The following TNS2 variants were observed in gnomAD, a reference collection of about 807,000 sequenced individuals.
The protein encoded by TNS2 is tensin 2.
A neutral mutation model predicts 155.7 loss-of-function variants in TNS2; 77 were observed. The observed-to-expected ratio is 0.49, with a 90% CI of 0.41 to 0.60. TNS2 has a LOEUF of 0.60. Ranked by LOEUF, TNS2 falls within the 20% of genes least tolerant of loss-of-function variation. The pLI is 0.00. For synonymous variants in TNS2, 726 were observed against 763.9 expected, an observed-to-expected ratio of 0.95 and a Z score of 0.82; for missense variants, 1,703 against 1,868.8, an observed-to-expected ratio of 0.91 and a Z score of 1.64.
At chr12:53,049,973 C>G, upstream of TNS2, 5 of 1,132,810 alleles carry the variant, frequency 4.4e-6, no homozygotes, top group Non-Finnish European at 4.8e-6. Context: ...TCCCCCACAT[C>G]CTCCCCCCTC....
chr12:53,053,862 G>A, intron 5 of TNS2, 50 bp downstream of exon 5: 1 of 1,613,884 alleles, frequency 6.2e-7, no homozygotes. Flanking sequence ...TTGGGAGTAA[G>A]GATCTAGATT....
intron 7 of TNS2, 100 bp downstream of exon 7, chr12:53,054,541 G>A (rs1216261053): frequency 7.3e-7 from 1 of 1,364,272 alleles, no homozygotes; most frequent in Non-Finnish European, 9.6e-7. Flanking sequence ...GAGGCCGCCA[G>A]GGGGCGGGAC....
At chr12:53,062,807 CCATGAGGG>C in intron 25 of TNS2, 110 bp downstream of exon 25, 1 of 1,323,810 alleles carries the variant, frequency 7.6e-7, no homozygotes, top group Non-Finnish European at 1.1e-6. Context: ...CCTGGCCAAC[CCATGAGGG>C]CAGGGGAGCC....
rs771805733 is a variant in TNS2, at chr12:53,061,284, G to T, written c.3358+20G>T. The T allele has an allele frequency of 6.3e-6, 10 of 1,596,904 alleles. No individual in the cohort carries two copies. Among genetic ancestry groups the T allele is most frequent in the Non-Finnish European group, 7.7e-6 (9 of 1,171,170 alleles). On this transcript the variant is annotated intron_variant, in intron 20 of 28. Transcript: ENST00000314250. The stretch of plus-strand genomic sequence containing the variant: ...CCCCAGGTATAAAGGCCTTGAGGGG[G>T]TTGGTGCCACCTTGAGAGAACCCTT...
Position 53,050,382 on chromosome 12 carries a change from G to A in TNS2, c.75+122G>A. ...TTCAGCTTCCTCAGCCTTCTTCCCT[G>A]GCCCAGCATCCCCTCCGGAGTGGCC... On this transcript the variant is annotated intron_variant, in intron 1 of 28. Transcript: ENST00000314250. The surrounding 1 kb of genome is among the most constrained non-coding windows in gnomAD (Gnocchi z 4.7). The A allele has an allele frequency of 8.4e-7, 1 of 1,187,390 alleles. No individual in the cohort carries two copies. The highest frequency in any genetic ancestry group is 1.2e-6 in the Non-Finnish European group (1 of 857,392). 73.6% of individuals were successfully genotyped at this position (1,187,390 alleles called of 1,614,324 possible).
At chr12:53,053,241 A>G (rs1335671161) in intron 3 of TNS2, 170 bp from the exon 4 acceptor site, 9 of 719,976 alleles carry the variant, frequency 1.3e-5, no homozygotes, top group Non-Finnish European at 2.2e-5. Flanking sequence ...GGGGTGGGGG[A>G]CCAAGAGGCC....
At position 53,055,806 on chromosome 12, in the gene TNS2, T is replaced by A; in HGVS notation, c.722T>A (p.Ile241Asn). ...GGAAACAAGGGCAAGCTTGGGGTCA[T>A]CGTTTCTGCCTACATGCACTACAGC... ...CKGNKGKLGV[I>N]VSAYMHYSKI... Residue 241 changes from isoleucine to asparagine, a missense_variant, in exon 10 of 29, where the codon ATC (isoleucine) becomes AAC (asparagine). Coordinates refer to ENST00000314250, the MANE Select transcript of TNS2 (RefSeq NM_170754.4). The A allele has an allele frequency of 6.2e-7, 1 of 1,614,130 alleles. No homozygotes were observed.
intron 7 of TNS2, among the ~76,000 whole-genome samples, chr12:53,054,807 G>A (rs1275128542): frequency 6.7e-6 from 1 of 149,502 alleles, no homozygotes; most frequent in African/African-American, 2.5e-5. Context: ...CAGTAGCTAG[G>A]ATTACAGGCG....
chr12:53,055,932 C>A, intron 10 of TNS2, 87 bp downstream of exon 10: 2 of 1,413,848 alleles, frequency 1.4e-6, no homozygotes, highest in Non-Finnish European at 1.9e-6. Context: ...CTGGAGCCCA[C>A]CTCTTCGTTG....
chr12:53,062,402 C>T lies in TNS2; in HGVS notation c.3694C>T (p.His1232Tyr). The change falls in exon 24 of 29, where the codon CAC (histidine) becomes TAC (tyrosine). Residue 1232 changes from histidine to tyrosine, a missense_variant. Transcript: ENST00000314250. Reference sequence around the variant, plus strand: ...CAGCCTGTCCGCCTTGGTCTCCCAGCACTCCATCTCCCCCATCTCCCTGCC... The same window carrying T: ...CAGCCTGTCCGCCTTGGTCTCCCAGTACTCCATCTCCCCCATCTCCCTGCC... ...FGSLSALVSQHSISPISLPCC... is the reference protein window; with the variant it reads ...FGSLSALVSQYSISPISLPCC... The T allele has an allele frequency of 6.2e-7, 1 of 1,614,066 alleles. No homozygotes were observed. The highest frequency in any genetic ancestry group is 1.7e-4 in the Middle Eastern group (1 of 6,056).
Position 53,058,734 on chromosome 12 carries a change from C to T in TNS2, c.1312C>T (p.Pro438Ser), listed in dbSNP as rs1565607870. 6.2e-7 allele frequency: 1 copy of T among 1,614,040 alleles called. No individual in the cohort carries two copies. The highest frequency in any genetic ancestry group is 1.3e-5 in the African/African-American group (1 of 75,012). The change falls in exon 17 of 29, where the codon CCC becomes TCC. Residue 438 changes from proline to serine, a missense_variant. By Grantham distance (74) the Pro-to-Ser change is moderately conservative. Transcript: ENST00000314250. The part of the protein sequence containing the change: ...KIKGSTPRND[P>S]SVSVDYNTTE... Reference sequence around the variant, plus strand: ...CACAGGCAGCACTCCACGGAACGACCCCTCGGTCTCTGTCGACTACAACAC... The same window carrying T: ...CACAGGCAGCACTCCACGGAACGACTCCTCGGTCTCTGTCGACTACAACAC...
intron 8 of TNS2, among the ~76,000 whole-genome samples, 164 bp from the exon 9 acceptor site, chr12:53,055,404 G>A (rs1227812642): frequency 6.6e-6 from 1 of 152,164 alleles, no homozygotes; most frequent in Non-Finnish European, 1.5e-5. Flanking sequence ...GATGCAGCAG[G>A]TATCAGCCCA....
In TNS2 at chr12:53,063,924, C is replaced by T. The variant is rs766531673; in HGVS notation, c.*42C>T. ...CAGAGCCCACATCAACACTGCCCCC[C>T]TCCCAGCACCCCACAGCCCTCACAT... On this transcript the variant is annotated 3_prime_UTR_variant, in exon 29 of 29. Coordinates refer to ENST00000314250, the MANE Select transcript of TNS2 (RefSeq NM_170754.4). This position sits in a 1 kb window ranked among gnomAD's most constrained non-coding sequence, Gnocchi z 5.6. 1 of 1,602,424 alleles carries T rather than the reference C, an allele frequency of 6.2e-7. No individual in the cohort carries two copies. Among genetic ancestry groups the T allele is most frequent in the Non-Finnish European group, 8.5e-7 (1 of 1,172,738 alleles).
In TNS2 at chr12:53,058,044, G is replaced by A; in HGVS notation, c.1037G>A (p.Gly346Asp). 1.9e-6 allele frequency: 3 copies of A among 1,614,072 alleles called. No homozygotes were observed. Among genetic ancestry groups the A allele is most frequent in the Middle Eastern group, 1.6e-4 (1 of 6,062 alleles). The change falls in exon 14 of 29, where the codon GGT (glycine) becomes GAT (aspartate). Residue 346 changes from glycine (G) to aspartate (D), a missense_variant. By Grantham distance (94) the Gly-to-Asp change is moderately conservative (BLOSUM62 -1). Transcript: ENST00000314250. ...CCCCACAGTCACATTGCAGGCCCTG[G>A]TCCCCAGCAGCTTTGCATCAGCCTG... The part of the protein sequence containing the change: ...TSGVYHIAGP[G>D]PQQLCISLEP...
rs536412263 is a variant in TNS2 at position 53,063,191 on chromosome 12, C to T, written c.3926C>T (p.Pro1309Leu). ...GCAGCTCTGAGCTGTAGCCCCCGCC[C>T]GACACCAGCTGTTGTCCACTTCAAG... Reference protein sequence around the residue: ...SSAALSCSPRPTPAVVHFKVS... With the variant: ...SSAALSCSPRLTPAVVHFKVS... Residue 1309 changes from proline (P) to leucine (L), a missense_variant, in exon 26 of 29, where the codon CCG becomes CTG. Physicochemically the swap from Pro to Leu is moderately conservative, Grantham distance 98. Coordinates refer to ENST00000314250, the MANE Select transcript of TNS2 (RefSeq NM_170754.4). This position sits in a 1 kb window ranked among gnomAD's most constrained non-coding sequence, Gnocchi z 5.6. 23 of 1,612,580 alleles carry T rather than the reference C, an allele frequency of 1.4e-5. No individual in the cohort carries two copies. The highest frequency in any genetic ancestry group is 6.6e-5 in the South Asian group (6 of 90,902).
upstream of TNS2, among the ~76,000 whole-genome samples, chr12:53,047,938 T>C (rs1471771821): frequency 6.6e-6 from 1 of 152,162 alleles, no homozygotes; most frequent in Non-Finnish European, 1.5e-5. Flanking sequence ...CCAGCCTCCC[T>C]TCCAACCACA....
Position 53,063,946 on chromosome 12 carries a change from A to C in TNS2, c.*64A>C. ...CCCCTCCCAGCACCCCACAGCCCTCACATCCCCTGGCCTGGACCCAGGAGA... is the reference window on the plus strand; with the variant it reads ...CCCCTCCCAGCACCCCACAGCCCTCCCATCCCCTGGCCTGGACCCAGGAGA... On this transcript the variant is annotated 3_prime_UTR_variant, in exon 29 of 29. Coordinates refer to ENST00000314250, the MANE Select transcript of TNS2 (RefSeq NM_170754.4). The surrounding 1 kb of genome is among the most constrained non-coding windows in gnomAD (Gnocchi z 5.6). 8.9e-6 allele frequency: 14 copies of C among 1,578,582 alleles called. No individual in the cohort carries two copies. Among genetic ancestry groups the C allele is most frequent in the Non-Finnish European group, 1.1e-5 (13 of 1,157,950 alleles).
intron 24 of TNS2, 43 bp from the exon 25 acceptor site, chr12:53,062,577 A>T: frequency 6.2e-7 from 1 of 1,611,308 alleles, no homozygotes; most frequent in Non-Finnish European, 8.5e-7. Context: ...CCTGGGGAAC[A>T]CTCTGCCTTC....
At chr12:53,053,149 T>C in intron 3 of TNS2, 1 of 491,902 alleles carries the variant, frequency 2.0e-6, no homozygotes, top group South Asian at 2.0e-5. Flanking sequence ...GCTCTATATA[T>C]AACTCCTGCC....
Sources: gnomAD v4.1 joint callset for allele counts (sites outside exome capture counted in the v4.1 genomes callset) on GRCh38, gnomAD v4.1.1 for gene constraint, Gnocchi (gnomAD v3.1) non-coding constraint, MANE v1.5 for transcripts, NCBI Gene and HGNC (gene_info 2026-07-23, HGNC 2026-07-21) for gene names.